Variants in SLC41A2 observed in about 807,000 individuals in gnomAD.
The protein encoded by SLC41A2 is solute carrier family 41 member 2.
In SLC41A2, 32 loss-of-function variants were observed where a neutral mutation model predicts 58.3. The observed-to-expected ratio is 0.55, with a 90% CI of 0.41 to 0.74. The LOEUF (loss-of-function observed/expected upper bound fraction) is 0.74. SLC41A2 is among the 30% of genes least tolerant of loss of function. SLC41A2 has a pLI of 0.00. For synonymous variants in SLC41A2, 190 were observed against 235.0 expected (o/e 0.81, Z 1.75); for missense variants, 514 against 680.6 (o/e 0.76, Z 2.72).
intron 3 of SLC41A2, among the ~76,000 whole-genome samples, chr12:104,906,015 A>G (rs564164991): frequency 1.3e-5 from 2 of 152,402 alleles, no homozygotes; most frequent in East Asian, 3.9e-4. Context: ...GTGGGAGCCC[A>G]GGCAGGGGAG....
chr12:104,918,067 A>G (rs2135824712), intron 2 of SLC41A2, among the ~76,000 whole-genome samples: 1 of 150,846 alleles, frequency 6.6e-6, no homozygotes, highest in African/African-American at 2.4e-5. Context: ...ACCAACTTCA[A>G]TCATAATTAT....
chr12:104,905,183 C>A (rs1336711022), intron 3 of SLC41A2, among the ~76,000 whole-genome samples: 2 of 152,180 alleles, frequency 1.3e-5, no homozygotes, highest in Non-Finnish European at 2.9e-5. Context: ...GGTGCACTCA[C>A]AAACCTTGAG....
At chr12:104,944,172 G>A (rs1028858513) in intron 1 of SLC41A2, among the ~76,000 whole-genome samples, 1 of 152,008 alleles carries the variant, frequency 6.6e-6, no homozygotes, top group Non-Finnish European at 1.5e-5. Context: ...ATACTTATTT[G>A]GAGGACTCAT....
intron 10 of SLC41A2, among the ~76,000 whole-genome samples, chr12:104,827,305 G>A (rs2041880363): frequency 6.6e-6 from 1 of 152,168 alleles, no homozygotes; most frequent in Non-Finnish European, 1.5e-5. Flanking sequence ...CCTTAAAGTA[G>A]TCACCTCGGT....
rs2045999525 is a variant in SLC41A2, at chr12:104,909,777, A to AC, written c.556-16_556-15insG. On this transcript the variant is annotated splice_polypyrimidine_tract_variant and intron_variant, in intron 2 of 10. Transcript: ENST00000258538. ...ACCTCCCAGTGCTGTAAGAAAAAAA[A>AC]TAAAATAAAATTTTCTGGCACTCTT... 6.6e-7 allele frequency: 1 copy of AC among 1,524,308 alleles called. No homozygotes were observed. Among genetic ancestry groups the AC allele is most frequent in the South Asian group, 1.2e-5 (1 of 82,036 alleles). The allele number at this position is 1,524,308 out of a possible 1,614,324, so 94.4% of individuals were successfully genotyped here. A position where few individuals can be genotyped will look rare whatever the true frequency, so the allele number is the denominator to read the frequency against.
In SLC41A2 at chr12:104,886,390, A is replaced by G. The variant is rs1195029304; in HGVS notation, c.930T>C (p.Asn310=). 1 of 1,613,676 alleles carries G rather than the reference A, an allele frequency of 6.2e-7. No homozygotes were observed. Among genetic ancestry groups the G allele is most frequent in the Non-Finnish European group, 8.5e-7 (1 of 1,179,642 alleles). Residue 310 remains asparagine, a synonymous_variant, in exon 6 of 11, where the codon AAT becomes AAC. Transcript: ENST00000258538. ...CAATGGGTGTAGCAACATTATCAGG[A>G]TTTATACCAGTCTTCTTTGAACCAA... ...VIVGSKKTGI[N]PDNVATPIAA... is the part of the protein sequence containing the mutation.
Position 104,805,161 on chromosome 12 carries a change from A to C in SLC41A2, c.1713T>G (p.Val571=). The part of the protein sequence containing the change: ...LWLIGDRDGD[V]GD ...CAGTTTGTAGAATTTATTAGTCTCCAACATCTCCATCTCGATCTCCAATAA... is the reference window on the plus strand; with the variant it reads ...CAGTTTGTAGAATTTATTAGTCTCCCACATCTCCATCTCGATCTCCAATAA... Residue 571 remains valine (V), a synonymous_variant, in exon 11 of 11, where the codon GTT becomes GTG. Transcript: ENST00000258538. 6.2e-7 allele frequency: 1 copy of C among 1,609,948 alleles called. No homozygotes were observed. The highest frequency in any genetic ancestry group is 8.5e-7 in the Non-Finnish European group (1 of 1,178,280).
At chr12:104,917,720 G>C (rs1349304952) in intron 2 of SLC41A2, among the ~76,000 whole-genome samples, 2 of 150,078 alleles carry the variant, frequency 1.3e-5, no homozygotes, top group Admixed American at 6.7e-5. Context: ...ATATCACAAG[G>C]ACAAAAAACC....
chr12:104,888,541 T>C (rs113043611), intron 5 of SLC41A2, among the ~76,000 whole-genome samples: 5,034 of 152,224 alleles, frequency 0.033, 263 homozygotes, highest in African/African-American at 0.11. Context: ...TTAAATTCTA[T>C]AGCCAACAAT....
chr12:104,908,880 A>AT (rs2135775924), intron 3 of SLC41A2, among the ~76,000 whole-genome samples: 1 of 152,354 alleles, frequency 6.6e-6, no homozygotes, highest in Non-Finnish European at 1.5e-5. Flanking sequence ...CAGGCCCTAA[A>AT]AAAATAAGAA....
chr12:104,830,099 C>G (rs1479608255), intron 10 of SLC41A2, among the ~76,000 whole-genome samples: 1 of 152,182 alleles, frequency 6.6e-6, no homozygotes, highest in African/African-American at 2.4e-5. Context: ...TGGAATTAAC[C>G]AGATTGTTCT....
intron 1 of SLC41A2, among the ~76,000 whole-genome samples, chr12:104,930,746 T>G (rs867698774): frequency 1.3e-5 from 2 of 152,002 alleles, no homozygotes; most frequent in Middle Eastern, 3.2e-3. Context: ...CCTGACCAAA[T>G]AGCAAAACTA....
At chr12:104,856,237 A>G (rs2043016178) in intron 8 of SLC41A2, among the ~76,000 whole-genome samples, 1 of 152,252 alleles carries the variant, frequency 6.6e-6, no homozygotes, top group South Asian at 2.1e-4. Flanking sequence ...AGAGACAGGT[A>G]GAAAGAAGGA....
At chr12:104,882,798 T>TGG (rs2044448744) in intron 6 of SLC41A2, among the ~76,000 whole-genome samples, 1 of 152,212 alleles carries the variant, frequency 6.6e-6, no homozygotes, top group East Asian at 1.9e-4. Context: ...TTATGTGTCT[T>TGG]GGGGTTGCTC....
rs1395698417 is a variant in SLC41A2 at position 104,917,351 on chromosome 12, A to G, written c.556-7589T>C. ...CAGGTCCTGGAGAGGATGTGGAGAAATAGGAACACTTTTACACTGTTGGTG... is the reference window on the plus strand; with the variant it reads ...CAGGTCCTGGAGAGGATGTGGAGAAGTAGGAACACTTTTACACTGTTGGTG... On this transcript the variant is annotated intron_variant, in intron 2 of 10. Transcript: ENST00000258538. 2.0e-4 allele frequency among the ~76,000 whole-genome samples: 30 copies of G among 152,260 alleles called. No individual in the cohort carries two copies. The South Asian group carries it at 6.2e-3, about 32-fold the overall frequency.
At chr12:104,958,051 G>T (rs1020012747) in intron 1 of SLC41A2, 37 bp downstream of exon 1, 1 of 152,176 alleles carries the variant, frequency 6.6e-6, no homozygotes, top group Non-Finnish European at 1.5e-5. Flanking sequence ...CGAACGCGGC[G>T]CCGCGGCCGA....
In SLC41A2 at chr12:104,843,211, G is replaced by A. The variant is rs115920972; in HGVS notation, c.1536+1261C>T. 3.2e-3 allele frequency among the ~76,000 whole-genome samples: 485 copies of A among 151,446 alleles called. 6 individuals are homozygous for A. The highest frequency in any genetic ancestry group is 0.011 in the African/African-American group (471 of 41,290). ...TATAGTACATTATAATTATTTTTTC[G>A]TATAGTGGCCTTCCCTCTAGACTAC... On this transcript the variant is annotated intron_variant, in intron 10 of 10. Transcript: ENST00000258538.
At chr12:104,942,160 C>T (rs2047535511) in intron 1 of SLC41A2, among the ~76,000 whole-genome samples, 1 of 152,104 alleles carries the variant, frequency 6.6e-6, no homozygotes, top group Non-Finnish European at 1.5e-5. Context: ...TAAAAAACCA[C>T]CAAACACTTA....
chr12:104,872,954 G>T (rs563767936), intron 6 of SLC41A2, among the ~76,000 whole-genome samples: 7 of 152,224 alleles, frequency 4.6e-5, no homozygotes, highest in African/African-American at 1.7e-4. Context: ...TAGATATATA[G>T]TTAAGTGGTT....
Sources: allele counts gnomAD v4.1 joint callset (sites outside exome capture counted in the v4.1 genomes callset), GRCh38; gene constraint gnomAD v4.1.1; transcripts MANE v1.5; gene names NCBI Gene and HGNC (gene_info 2026-07-23, HGNC 2026-07-21).